The following COL6A5 variants were observed in gnomAD, a reference collection of about 807,000 sequenced individuals.
COL6A5 encodes collagen alpha-5(VI) chain.
COL6A5 carries 48 observed loss-of-function variants against 65.6 expected under a neutral mutation model. The observed-to-expected ratio is 0.73, with a 90% CI of 0.58 to 0.93. The LOEUF (loss-of-function observed/expected upper bound fraction) is 0.93, where lower values mean the gene tolerates loss of function less well. Among genes scored for constraint, COL6A5 ranks in the 40% least tolerant of loss-of-function variants. The pLI, the probability that COL6A5 is intolerant of heterozygous loss-of-function variation, is 0.00. For synonymous variants in COL6A5, 291 were observed against 322.8 expected (o/e 0.90, Z 1.05); for missense variants, 914 against 928.3 (o/e 0.98, Z 0.20).
chr3:130,441,594 G>A (rs1489636241), intron 3 of COL6A5, among the ~76,000 whole-genome samples: 1 of 152,088 alleles, frequency 6.6e-6, no homozygotes, highest in Non-Finnish European at 1.5e-5. Context: ...AGAATACCTC[G>A]TCCTCTATCA....
intron 15 of COL6A5, 54 bp downstream of exon 15, chr3:130,406,073 A>C (rs1324441631): frequency 5.2e-6 from 8 of 1,548,726 alleles, no homozygotes; most frequent in African/African-American, 1.4e-5. Context: ...TTAGTTTCCG[A>C]ATAAGCGTGT....
At chr3:130,480,000 G>A (rs78547065) in intron 7 of COL6A5, among the ~76,000 whole-genome samples, 4,836 of 151,898 alleles carry the variant, frequency 0.032, 113 homozygotes, top group South Asian at 0.098. Flanking sequence ...GGTGATTTTC[G>A]GGATATGATT....
upstream of COL6A5, chr3:130,426,529 G>A: frequency 1.1e-6 from 1 of 939,808 alleles, no homozygotes; most frequent in Non-Finnish European, 1.7e-6. Context: ...TAACAAGCTT[G>A]TCTGGAGTGC....
At chr3:130,368,540 TGAGA>T (rs1226844205) in intron 1 of COL6A5, among the ~76,000 whole-genome samples, 1 of 145,828 alleles carries the variant, frequency 6.9e-6, no homozygotes, top group Non-Finnish European at 1.5e-5. Flanking sequence ...TGAGTGTGTG[TGAGA>T]GAGTGTGTGT....
intron 25 of COL6A5, 55 bp downstream of exon 25, chr3:130,418,986 T>C: frequency 1.4e-6 from 2 of 1,439,414 alleles, no homozygotes; most frequent in Non-Finnish European, 1.9e-6. Flanking sequence ...AGTTCCAAGG[T>C]AAAGAGAAGG....
At chr3:130,362,172 T>G (rs376369341) in intron 1 of COL6A5, among the ~76,000 whole-genome samples, 1 of 151,614 alleles carries the variant, frequency 6.6e-6, no homozygotes, top group South Asian at 2.1e-4. Flanking sequence ...TGTTATATTC[T>G]AGGAGCTTAT....
intron 1 of COL6A5, among the ~76,000 whole-genome samples, chr3:130,437,813 T>G (rs893655369): frequency 6.6e-6 from 1 of 152,126 alleles, no homozygotes; most frequent in Non-Finnish European, 1.5e-5. Context: ...TGCTTAAATG[T>G]CATGTTATCA....
At chr3:130,471,954 AC>A in intron 7 of COL6A5, 28 bp downstream of exon 40, 1 of 1,520,418 alleles carries the variant, frequency 6.6e-7, no homozygotes, top group Non-Finnish European at 8.8e-7. Context: ...AGAGCTGAAG[AC>A]CCTCAAGTAC....
intron 17 of COL6A5, among the ~76,000 whole-genome samples, chr3:130,407,725 G>A (rs866313218): frequency 4.7e-5 from 7 of 149,568 alleles, no homozygotes; most frequent in African/African-American, 1.7e-4. Context: ...TCCAGATATA[G>A]GTGACTAGAG....
chr3:130,359,603 G>A (rs1285611516), intron 1 of COL6A5, among the ~76,000 whole-genome samples: 1 of 151,940 alleles, frequency 6.6e-6, no homozygotes, highest in Admixed American at 6.6e-5. Context: ...ATCCTATAAA[G>A]CAAAAGTGTA....
At chr3:130,458,293 G>A (rs565279986) in intron 5 of COL6A5, among the ~76,000 whole-genome samples, 4 of 152,172 alleles carry the variant, frequency 2.6e-5, no homozygotes, top group South Asian at 2.1e-4. Context: ...GATAACTACT[G>A]TTTCATATTT....
intron 1 of COL6A5, among the ~76,000 whole-genome samples, chr3:130,356,994 T>C (rs915026452): frequency 2.0e-5 from 3 of 151,744 alleles, no homozygotes; most frequent in African/African-American, 7.3e-5. Context: ...ACACAGAAAA[T>C]TGAGAATTAA....
At chr3:130,369,859 GT>G (rs1935485468) in intron 1 of COL6A5, among the ~76,000 whole-genome samples, 1 of 152,182 alleles carries the variant, frequency 6.6e-6, no homozygotes, top group African/African-American at 2.4e-5. Flanking sequence ...CAGATGTGCA[GT>G]TTGGCTGTTG....
chr3:130,436,575 G>A (rs548317349), intron 1 of COL6A5, among the ~76,000 whole-genome samples: 4 of 152,260 alleles, frequency 2.6e-5, no homozygotes, highest in African/African-American at 7.2e-5. Flanking sequence ...GGTCAACTGT[G>A]ATCTTCATGT....
At chr3:130,452,385 T>A (rs62281868) in intron 4 of COL6A5, among the ~76,000 whole-genome samples, 1 of 152,128 alleles carries the variant, frequency 6.6e-6, no homozygotes, top group Non-Finnish European at 1.5e-5. Context: ...TCCCTAAGCA[T>A]GCACCAGTTT....
intron 1 of COL6A5, among the ~76,000 whole-genome samples, 183 bp downstream of exon 33, chr3:130,432,132 A>G (rs1315691331): frequency 6.6e-6 from 1 of 152,182 alleles, no homozygotes; most frequent in Non-Finnish European, 1.5e-5. Context: ...ACAACAGTCA[A>G]TGATAACAGC....
chr3:130,352,320 G>A (rs986695412), intron 1 of COL6A5, among the ~76,000 whole-genome samples: 3 of 151,900 alleles, frequency 2.0e-5, no homozygotes, highest in Non-Finnish European at 2.9e-5. Flanking sequence ...AAAAAGATTC[G>A]TTGGAAAATG....
chr3:130,388,841 G>T lies in COL6A5; in HGVS notation c.2123G>T (p.Gly708Val), dbSNP rs749203693. Residue 708 changes from glycine (G) to valine (V), a missense_variant and NMD_transcript_variant, in exon 6 of 42, where the codon GGA (glycine) becomes GTA (valine). Physicochemically the swap from Gly to Val is moderately radical, Grantham distance 109. Coordinates refer to the COL6A5 transcript ENST00000312481. ...CTCATCAATGAAGGCACTTTAACTG[G>T]AAAGGCACTAAATTTTGTAGGTCAA... 1.0e-5 allele frequency: 16 copies of T among 1,551,344 alleles called. No individual in the cohort carries two copies. In the South Asian group the frequency reaches 1.8e-4, roughly 17 times the overall value.
intron 4 of COL6A5, among the ~76,000 whole-genome samples, chr3:130,453,418 A>G (rs1409385244): frequency 6.6e-6 from 1 of 152,086 alleles, no homozygotes; most frequent in Non-Finnish European, 1.5e-5. Flanking sequence ...GCCAATGTTT[A>G]CTCTCCATCA....
Sources: gnomAD v4.1 joint callset for allele counts (sites outside exome capture counted in the v4.1 genomes callset) on GRCh38, gnomAD v4.1.1 for gene constraint, MANE v1.5 for transcripts, NCBI Gene and HGNC (gene_info 2026-07-23, HGNC 2026-07-21) for gene names.